Variants in HSDL1 observed in about 807,000 individuals in gnomAD.
HSDL1 encodes the protein hydroxysteroid dehydrogenase like 1, also known as inactive hydroxysteroid dehydrogenase-like protein 1.
Under a neutral mutation model 31.5 loss-of-function variants are expected in HSDL1, and 29 were observed. That is an observed-to-expected ratio of 0.92 (90% CI 0.69 to 1.26). The LOEUF is 1.26. Among genes scored for constraint, HSDL1 ranks in the 50% most tolerant of loss-of-function variants. HSDL1 has a pLI of 0.00. For synonymous variants in HSDL1, 222 were observed against 155.2 expected (o/e 1.43, Z -3.20); for missense variants, 503 against 416.6 (o/e 1.21, Z -1.81).
In HSDL1 at chr16:84,124,187, T is replaced by A. The variant is rs548718352; in HGVS notation, c.*443A>T. On this transcript the variant is annotated 3_prime_UTR_variant, in exon 6 of 6. Coordinates refer to ENST00000219439, the MANE Select transcript of HSDL1 (RefSeq NM_031463.5). Reference sequence around the variant, plus strand: ...ATTTTTCCTAATAGTACCAGCAATCTTAGTTACAAAATAATACTTTTCAGT... The same window carrying A: ...ATTTTTCCTAATAGTACCAGCAATCATAGTTACAAAATAATACTTTTCAGT... The A allele has an allele frequency of 6.1e-6, 1 of 165,096 alleles. No homozygotes were observed. The highest frequency in any genetic ancestry group is 1.3e-5 in the Non-Finnish European group (1 of 75,406). The allele number at this position is 165,096 out of a possible 1,614,324, so 10.2% of individuals were successfully genotyped here.
At position 84,131,521 on chromosome 16, in the gene HSDL1, CT is replaced by C. The variant is rs1567520878; in HGVS notation, c.-6-195del. Reference sequence around the variant, plus strand: ...TCTATCTATCTATCTATCTATCTATCTATCTATCTATCAGACAGAGTCTCAC... The same window carrying C: ...TCTATCTATCTATCTATCTATCTATCATCTATCTATCAGACAGAGTCTCAC... On this transcript the variant is annotated intron_variant, in intron 2 of 5. Transcript: ENST00000219439. 9.5e-3 allele frequency among the ~76,000 whole-genome samples: 1,423 copies of C among 150,488 alleles called. 11 individuals are homozygous for C. The highest frequency in any genetic ancestry group is 0.02 in the Middle Eastern group (6 of 294).
At chr16:84,126,904 A>G (rs564261270) in intron 5 of HSDL1, among the ~76,000 whole-genome samples, 3 of 152,246 alleles carry the variant, frequency 2.0e-5, no homozygotes, top group Non-Finnish European at 4.4e-5. Context: ...AAATGAAAAC[A>G]GAAAGTTTTA....
intron 2 of HSDL1, 38 bp from the exon 3 acceptor site, chr16:84,131,365 A>T: frequency 2.2e-6 from 3 of 1,395,274 alleles, no homozygotes; most frequent in Non-Finnish European, 3.1e-6. Flanking sequence ...CTCTTTGATT[A>T]ATAAATTAAA....
chr16:84,129,930 T>C, intron 4 of HSDL1, 56 bp downstream of exon 4: 3 of 1,543,072 alleles, frequency 1.9e-6, no homozygotes, highest in African/African-American at 1.4e-5. Context: ...ACCAAACAAC[T>C]GTTAATAAAT....
chr16:84,140,288 C>A (rs1174017233), intron 1 of HSDL1, among the ~76,000 whole-genome samples: 1 of 152,048 alleles, frequency 6.6e-6, no homozygotes, highest in African/African-American at 2.4e-5. Flanking sequence ...GTTTTTAGGC[C>A]GAGTCTTGTT....
chr16:84,142,837 C>G (rs894771203), intron 1 of HSDL1, among the ~76,000 whole-genome samples: 1 of 152,178 alleles, frequency 6.6e-6, no homozygotes, highest in Non-Finnish European at 1.5e-5. Flanking sequence ...TCAAATTTCA[C>G]TCTTGAGAAA....
chr16:84,132,023 A>T (rs952140466), intron 2 of HSDL1, among the ~76,000 whole-genome samples: 45 of 152,346 alleles, frequency 3.0e-4, no homozygotes, highest in African/African-American at 1.1e-3. Flanking sequence ...TCCGTAGCTT[A>T]TAAAGTTACT....
At chr16:84,135,971 G>T (rs1434920004) in intron 1 of HSDL1, among the ~76,000 whole-genome samples, 1 of 152,236 alleles carries the variant, frequency 6.6e-6, no homozygotes, top group African/African-American at 2.4e-5. Flanking sequence ...CATCGGGGAA[G>T]AGAGCAGCCA....
chr16:84,133,467 G>A (rs761747334), intron 2 of HSDL1, among the ~76,000 whole-genome samples: 2 of 152,188 alleles, frequency 1.3e-5, no homozygotes, highest in Non-Finnish European at 2.9e-5. Flanking sequence ...TCAGCCGGGC[G>A]CGGTGGCTCA....
At chr16:84,134,604 TC>T (rs2086696605) in intron 2 of HSDL1, among the ~76,000 whole-genome samples, 1 of 151,708 alleles carries the variant, frequency 6.6e-6, no homozygotes, top group African/African-American at 2.4e-5. Context: ...AGAGTTAGAC[TC>T]CATCTCAAGA....
At chr16:84,130,636 C>T (rs952623028) in intron 3 of HSDL1, among the ~76,000 whole-genome samples, 1 of 152,200 alleles carries the variant, frequency 6.6e-6, no homozygotes, top group African/African-American at 2.4e-5. Context: ...CATCCTGACA[C>T]ACGGACAGGG....
chr16:84,143,756 G>A (rs1162281356), intron 1 of HSDL1, among the ~76,000 whole-genome samples: 1 of 151,876 alleles, frequency 6.6e-6, no homozygotes, highest in Non-Finnish European at 1.5e-5. Flanking sequence ...CAGAACTTTG[G>A]GAGGCCAAGG....
intron 5 of HSDL1, among the ~76,000 whole-genome samples, chr16:84,127,145 T>C (rs553286726): frequency 6.6e-6 from 1 of 152,074 alleles, no homozygotes; most frequent in East Asian, 1.9e-4. Flanking sequence ...ACTTTTTAGG[T>C]TTCTCTGCTT....
intron 1 of HSDL1, among the ~76,000 whole-genome samples, chr16:84,137,401 G>A (rs2086722779): frequency 6.6e-6 from 1 of 152,240 alleles, no homozygotes; most frequent in South Asian, 2.1e-4. Flanking sequence ...GAAGGAGACT[G>A]GGAGAGGCAG....
intron 1 of HSDL1, among the ~76,000 whole-genome samples, chr16:84,142,666 G>C (rs2086779687): frequency 6.6e-6 from 1 of 151,762 alleles, no homozygotes; most frequent in South Asian, 2.1e-4. Flanking sequence ...GGCTGGTCTT[G>C]AACTCCTGAC....
At chr16:84,126,762 T>C (rs919336548) in intron 5 of HSDL1, among the ~76,000 whole-genome samples, 6 of 152,122 alleles carry the variant, frequency 3.9e-5, no homozygotes, top group Non-Finnish European at 7.4e-5. Context: ...TCACGCACTT[T>C]GTGAACAAAA....
Position 84,131,250 on chromosome 16 carries a change from A to C in HSDL1, c.72T>G (p.Ala24=). Residue 24 remains alanine, a synonymous_variant, in exon 3 of 6, where the codon GCT becomes GCG. Transcript: ENST00000219439. The part of the protein sequence containing the change: ...IARSCNCYME[A]LALVGAWYTA... ...TATACCAGGCTCCAACCAAAGCTAG[A>C]GCTTCCATATAGCAATTGCAAGACC... 6.2e-7 allele frequency: 1 copy of C among 1,614,190 alleles called. No homozygotes were observed. The highest frequency in any genetic ancestry group is 8.5e-7 in the Non-Finnish European group (1 of 1,180,032).
chr16:84,131,151 C>T lies in HSDL1; in HGVS notation c.171G>A (p.Gly57=). The change falls in exon 3 of 6, where the codon GGG becomes GGA. Residue 57 remains glycine, a synonymous_variant. Transcript: ENST00000219439. ...LIRLHFIPRL[G]SRADLIKQYG... Reference sequence around the variant, plus strand: ...ACTGCTTGATCAAGTCTGCTCTGCTCCCCAGGCGGGGGATAAAATGCAGCC... The same window carrying T: ...ACTGCTTGATCAAGTCTGCTCTGCTTCCCAGGCGGGGGATAAAATGCAGCC... 6.2e-7 allele frequency: 1 copy of T among 1,614,194 alleles called. No homozygotes were observed.
chr16:84,126,686 C>G (rs892929273), intron 5 of HSDL1, among the ~76,000 whole-genome samples: 1 of 152,158 alleles, frequency 6.6e-6, no homozygotes, highest in Non-Finnish European at 1.5e-5. Flanking sequence ...ATTCAATCCT[C>G]TTGTCAATAA....
Sources: gnomAD v4.1 joint callset for allele counts (sites outside exome capture counted in the v4.1 genomes callset) on GRCh38, gnomAD v4.1.1 for gene constraint, MANE v1.5 for transcripts, NCBI Gene and HGNC (gene_info 2026-07-23, HGNC 2026-07-21) for gene names.